The following PEBP4 variants were observed in gnomAD, a reference collection of about 807,000 sequenced individuals.
PEBP4 encodes the protein phosphatidylethanolamine binding protein 4.
A neutral mutation model predicts 23.9 loss-of-function variants in PEBP4; 22 were observed. The ratio of observed to expected loss-of-function variants is 0.92; its 90% confidence interval spans 0.66 to 1.31. The LOEUF is 1.31. PEBP4 is among the 40% of genes most tolerant of loss of function. PEBP4 has a pLI of 0.00. For missense variants in PEBP4, 324 were observed against 281.7 expected, an observed-to-expected ratio of 1.15 and a Z score of -1.07; for synonymous variants, 112 against 99.3, an observed-to-expected ratio of 1.13 and a Z score of -0.76.
At chr8:22,812,217 T>TA in intron 4 of PEBP4, among the ~76,000 whole-genome samples, 1 of 152,152 alleles carries the variant, frequency 6.6e-6, no homozygotes, top group Non-Finnish European at 1.5e-5. Flanking sequence ...AGCACAGGTG[T>TA]CCTGGCATGT....
At chr8:22,727,816 G>C (rs987585289) in intron 4 of PEBP4, among the ~76,000 whole-genome samples, 1 of 152,116 alleles carries the variant, frequency 6.6e-6, no homozygotes, top group African/African-American at 2.4e-5. Flanking sequence ...CAACCCTGGG[G>C]CAGTTTCTTT....
chr8:22,808,230 GCCAT>G (rs139934006), intron 4 of PEBP4, among the ~76,000 whole-genome samples: 167 of 142,690 alleles, frequency 1.2e-3, no homozygotes, highest in East Asian at 6.4e-3. Flanking sequence ...CCAACCTCTA[GCCAT>G]CCATCCATCC....
chr8:22,770,991 C>T (rs761883510), intron 4 of PEBP4, among the ~76,000 whole-genome samples: 11 of 152,216 alleles, frequency 7.2e-5, no homozygotes, highest in Non-Finnish European at 1.2e-4. Context: ...CGTGAGAAGG[C>T]ATTGAAATCA....
chr8:22,830,621 T>C (rs1295085029), intron 3 of PEBP4, among the ~76,000 whole-genome samples: 1 of 152,202 alleles, frequency 6.6e-6, no homozygotes, highest in Non-Finnish European at 1.5e-5. Flanking sequence ...CCAACAACAT[T>C]GCCTGGTATT....
chr8:22,916,919 A>G (rs1161401677), intron 3 of PEBP4, among the ~76,000 whole-genome samples: 1 of 152,218 alleles, frequency 6.6e-6, no homozygotes, highest in Admixed American at 6.5e-5. Flanking sequence ...GAAAGAAAAG[A>G]TCAGCCAGGG....
At chr8:22,897,395 A>G (rs566327492) in intron 3 of PEBP4, among the ~76,000 whole-genome samples, 1 of 152,278 alleles carries the variant, frequency 6.6e-6, no homozygotes, top group South Asian at 2.1e-4. Context: ...GAGCTGTGGG[A>G]AAGGACACAC....
chr8:22,770,199 G>T (rs775122397), intron 4 of PEBP4, among the ~76,000 whole-genome samples: 1 of 152,196 alleles, frequency 6.6e-6, no homozygotes, highest in Non-Finnish European at 1.5e-5. Context: ...CTTCCTTGGG[G>T]CAGAGGAAGC....
At chr8:22,926,408 A>C (rs937741111) in intron 2 of PEBP4, among the ~76,000 whole-genome samples, 1 of 152,108 alleles carries the variant, frequency 6.6e-6, no homozygotes, top group African/African-American at 2.4e-5. Context: ...GCAGTGGCGC[A>C]ATCATGGCTC....
chr8:22,864,987 C>T (rs1807855917), intron 3 of PEBP4, among the ~76,000 whole-genome samples: 1 of 152,048 alleles, frequency 6.6e-6, no homozygotes, highest in East Asian at 1.9e-4. Context: ...GAGTGCGGGG[C>T]GGGCAGCACG....
chr8:22,810,894 G>T (rs995804501), intron 4 of PEBP4, among the ~76,000 whole-genome samples: 6 of 151,580 alleles, frequency 4.0e-5, no homozygotes, highest in African/African-American at 1.5e-4. Flanking sequence ...GAGAGAGAGA[G>T]AGAGAGAGAG....
chr8:22,872,747 G>A (rs903784360), intron 3 of PEBP4, among the ~76,000 whole-genome samples: 7 of 152,170 alleles, frequency 4.6e-5, no homozygotes, highest in Non-Finnish European at 7.3e-5. Flanking sequence ...CGTGATCTGG[G>A]CTCACCGCAA....
At chr8:22,894,384 C>G (rs183011929) in intron 3 of PEBP4, among the ~76,000 whole-genome samples, 107 of 152,084 alleles carry the variant, frequency 7.0e-4, no homozygotes, top group Admixed American at 6.6e-3. Flanking sequence ...CCAGCCCAGG[C>G]AACATGGTAA....
At chr8:22,746,288 GC>G (rs1372460152) in intron 4 of PEBP4, among the ~76,000 whole-genome samples, 2 of 152,134 alleles carry the variant, frequency 1.3e-5, no homozygotes, top group East Asian at 3.9e-4. Flanking sequence ...GTTAGAGAGA[GC>G]TCTGGGTACA....
rs759549863 is a variant in PEBP4 at position 22,920,230 on chromosome 8, ATCT to A, written c.209_211del (p.Lys70del). On this transcript the variant is annotated inframe_deletion, in exon 3 of 7. Coordinates refer to ENST00000256404, the MANE Select transcript of PEBP4 (RefSeq NM_144962.3). ...GACTATCGGCTCCATCCAGGAGGTG[ATCT>A]TCTGTCTGTAGTTGTTACAATCAGG... The A allele has an allele frequency of 1.2e-6, 2 of 1,613,032 alleles. No homozygotes were observed. The highest frequency in any genetic ancestry group is 2.2e-5 in the East Asian group (1 of 44,862).
At position 22,737,291 on chromosome 8, in the gene PEBP4, T is replaced by C. The variant is rs535568672; in HGVS notation, c.358-10071A>G. On this transcript the variant is annotated intron_variant, in intron 4 of 6. Coordinates refer to ENST00000256404, the MANE Select transcript of PEBP4 (RefSeq NM_144962.3). Reference sequence around the variant, plus strand: ...CGTGGGCAATAGAGTTGAGACTCCGTCTCAAAAAAAAAAAAAAAAAAAAAG... The same window carrying C: ...CGTGGGCAATAGAGTTGAGACTCCGCCTCAAAAAAAAAAAAAAAAAAAAAG... Among the ~76,000 whole-genome samples, 7 of 107,432 alleles carry C rather than the reference T, an allele frequency of 6.5e-5. No individual in the cohort carries two copies. In the South Asian group the frequency reaches 1.9e-3, roughly 29 times the overall value. 70.5% of individuals were successfully genotyped at this position (107,432 alleles called of 152,430 possible). A position where few individuals can be genotyped will look rare whatever the true frequency, so the allele number is the denominator to read the frequency against.
chr8:22,845,195 G>A (rs1363707536), intron 3 of PEBP4, among the ~76,000 whole-genome samples: 4 of 152,150 alleles, frequency 2.6e-5, no homozygotes, highest in Admixed American at 2.0e-4. Flanking sequence ...GAGCAGCTCT[G>A]CAATGGGCTG....
intron 3 of PEBP4, among the ~76,000 whole-genome samples, chr8:22,846,179 C>T (rs1438571299): frequency 1.3e-5 from 2 of 152,222 alleles, no homozygotes; most frequent in Non-Finnish European, 2.9e-5. Flanking sequence ...ATCTGTCTCC[C>T]TCCCATGGTC....
Position 22,853,976 on chromosome 8 carries a change from A to G in PEBP4, c.259-36241T>C, listed in dbSNP as rs111447402. ...GAACAACAAACCTCACCAACGCCAG[A>G]ATCCAGAGACCATGAGACCAAAAAA... On this transcript the variant is annotated intron_variant, in intron 3 of 6. Coordinates refer to ENST00000256404, the MANE Select transcript of PEBP4 (RefSeq NM_144962.3). Among the ~76,000 whole-genome samples, 779 of 152,334 alleles carry G rather than the reference A, an allele frequency of 5.1e-3. 8 individuals are homozygous for G. Among genetic ancestry groups the G allele is most frequent in the African/African-American group, 0.018 (743 of 41,564 alleles).
chr8:22,938,154 G>T (rs1020230383), intron 1 of PEBP4, among the ~76,000 whole-genome samples: 1 of 151,728 alleles, frequency 6.6e-6, no homozygotes, highest in Non-Finnish European at 1.5e-5. Context: ...CCTGCAGAAT[G>T]AGAGAAAAAA....
Sources: gnomAD v4.1 joint callset for allele counts (sites outside exome capture counted in the v4.1 genomes callset) on GRCh38, gnomAD v4.1.1 for gene constraint, MANE v1.5 for transcripts, NCBI Gene and HGNC (gene_info 2026-07-23, HGNC 2026-07-21) for gene names.